C9: variants seen among roughly 807,000 people sequenced by gnomAD.
The protein encoded by C9 is complement C9.
A neutral mutation model predicts 65.4 loss-of-function variants in C9; 63 were observed. The observed-to-expected ratio is 0.96, with a 90% CI of 0.79 to 1.19. The LOEUF is 1.19. Among genes scored for constraint, C9 ranks in the 50% most tolerant of loss-of-function variants. C9 has a pLI of 0.00. For synonymous variants in C9, 229 were observed against 227.9 expected (o/e 1.00, Z -0.04); for missense variants, 744 against 670.1 (o/e 1.11, Z -1.22).
chr5:39,297,903 G>T (rs1753213128), intron 9 of C9, among the ~76,000 whole-genome samples: 2 of 151,632 alleles, frequency 1.3e-5, no homozygotes, highest in South Asian at 4.1e-4. Context: ...TTCTTTTCAA[G>T]TGCACATAGG....
chr5:39,322,378 C>T (rs921805124), intron 5 of C9, among the ~76,000 whole-genome samples: 1 of 151,886 alleles, frequency 6.6e-6, no homozygotes, highest in East Asian at 1.9e-4. Context: ...ATGCTTACAT[C>T]AAAAAAGAAT....
At chr5:39,297,759 T>TA (rs1251112601) in intron 9 of C9, among the ~76,000 whole-genome samples, 1 of 151,554 alleles carries the variant, frequency 6.6e-6, no homozygotes, top group Non-Finnish European at 1.5e-5. Flanking sequence ...TAAATATACC[T>TA]AGACATTTCA....
At chr5:39,321,907 A>T (rs266892) in intron 5 of C9, among the ~76,000 whole-genome samples, 59,112 of 151,852 alleles carry the variant, frequency 0.39, 12,720 homozygotes, top group Non-Finnish European at 0.49. Flanking sequence ...ATAGTAGGGG[A>T]CTTCTTAATA....
At chr5:39,306,023 T>C (rs1241350005) in intron 9 of C9, among the ~76,000 whole-genome samples, 1 of 151,824 alleles carries the variant, frequency 6.6e-6, no homozygotes, top group Non-Finnish European at 1.5e-5. Context: ...ATTAGCTCGA[T>C]GTGGTGGTGC....
intron 9 of C9, among the ~76,000 whole-genome samples, chr5:39,301,495 T>C (rs1010995292): frequency 6.6e-6 from 1 of 152,166 alleles, no homozygotes; most frequent in African/African-American, 2.4e-5. Flanking sequence ...ATAATTTTAC[T>C]ATGCTTATGT....
At chr5:39,334,220 C>G (rs1322562335) in intron 4 of C9, among the ~76,000 whole-genome samples, 1 of 150,318 alleles carries the variant, frequency 6.7e-6, no homozygotes, top group Non-Finnish European at 1.5e-5. Flanking sequence ...CGTCTCTGCC[C>G]GGCGGCCCAT....
chr5:39,321,687 G>A (rs1753669688), intron 5 of C9, among the ~76,000 whole-genome samples: 1 of 151,958 alleles, frequency 6.6e-6, no homozygotes, highest in Non-Finnish European at 1.5e-5. Flanking sequence ...TCACCTTTAA[G>A]TGCCAAAATA....
chr5:39,305,449 G>A (rs1176520460), intron 9 of C9, among the ~76,000 whole-genome samples: 1 of 152,060 alleles, frequency 6.6e-6, no homozygotes, highest in African/African-American at 2.4e-5. Context: ...CTAGTCCTAT[G>A]AAAATGTTAA....
intron 1 of C9, among the ~76,000 whole-genome samples, chr5:39,361,802 TAAAAGAA>T (rs781524874): frequency 5.9e-5 from 9 of 151,730 alleles, no homozygotes; most frequent in Non-Finnish European, 1.2e-4. Flanking sequence ...TGTAAAAAAA[TAAAAGAA>T]AAAAGAAAAA....
chr5:39,347,919 A>G (rs1754241529), intron 1 of C9, among the ~76,000 whole-genome samples: 1 of 149,802 alleles, frequency 6.7e-6, no homozygotes, highest in African/African-American at 2.5e-5. Context: ...AGAAATGGGG[A>G]AAGGATTCCC....
intron 9 of C9, among the ~76,000 whole-genome samples, chr5:39,306,333 T>G (rs13355708): frequency 0.03 from 4,501 of 152,208 alleles, 205 homozygotes; most frequent in African/African-American, 0.1. Flanking sequence ...TATAAGCAAT[T>G]TCGTTAAATT....
intron 1 of C9, among the ~76,000 whole-genome samples, chr5:39,348,581 A>C (rs1754253715): frequency 6.6e-6 from 1 of 152,132 alleles, no homozygotes; most frequent in Non-Finnish European, 1.5e-5. Context: ...TGGGACTGTA[A>C]ACTAGTTCAA....
Position 39,284,350 on chromosome 5 carries a change from A to T in C9, c.*849T>A, listed in dbSNP as rs1389496985. The T allele has an allele frequency of 6.6e-6, 1 of 152,130 alleles. No individual in the cohort carries two copies. Among genetic ancestry groups the T allele is most frequent in the African/African-American group, 2.4e-5 (1 of 41,434 alleles). 9.4% of individuals were successfully genotyped at this position (152,130 alleles called of 1,614,324 possible). A position where few individuals can be genotyped will look rare whatever the true frequency, so the allele number is the denominator to read the frequency against. On this transcript the variant is annotated 3_prime_UTR_variant, in exon 11 of 11. Transcript: ENST00000263408. ...AGCACCATGTTCTCTAATGAATAAG[A>T]TTGTACAACCAATGTTAATCAGCTT...
At chr5:39,334,748 C>T (rs1308931873) in intron 4 of C9, among the ~76,000 whole-genome samples, 231 of 147,020 alleles carry the variant, frequency 1.6e-3, no homozygotes, top group African/African-American at 5.6e-3. Flanking sequence ...TGAGGGGCGC[C>T]TCTGCCCGGC....
intron 9 of C9, among the ~76,000 whole-genome samples, chr5:39,289,599 G>A (rs2111838090): frequency 6.6e-6 from 1 of 151,924 alleles, no homozygotes; most frequent in Non-Finnish European, 1.5e-5. Context: ...TAGATATTTA[G>A]CAGCTATTTT....
intron 4 of C9, among the ~76,000 whole-genome samples, chr5:39,333,583 C>CATG (rs1198485695): frequency 2.8e-5 from 4 of 142,994 alleles, no homozygotes; most frequent in Non-Finnish European, 6.1e-5. Flanking sequence ...TCTCCCTCTC[C>CATG]GTCTCCCTCT....
Position 39,342,115 on chromosome 5 carries a change from T to C in C9, c.159A>G (p.Gln53=), listed in dbSNP as rs1429009874. 7 of 1,599,382 alleles carry C rather than the reference T, an allele frequency of 4.4e-6. No individual in the cohort carries two copies. Among genetic ancestry groups the C allele is most frequent in the Admixed American group, 3.3e-5 (2 of 59,992 alleles). The part of the protein sequence containing the change: ...CRMSPWSEWS[Q]CDPCLRQMFR... ...CCATTTGTCTGAGACAAGGATCGCA[T>C]TGTGACCATTCACTCCAGGGGCTCA... Residue 53 remains glutamine (Q), a synonymous_variant, in exon 2 of 11, where the codon CAA becomes CAG. Coordinates refer to ENST00000263408, the MANE Select transcript of C9 (RefSeq NM_001737.5).
At chr5:39,305,956 T>A (rs1579846122) in intron 9 of C9, among the ~76,000 whole-genome samples, 1 of 150,842 alleles carries the variant, frequency 6.6e-6, no homozygotes, top group Non-Finnish European at 1.5e-5. Context: ...AGGCCAGGAG[T>A]TTGAGACCAG....
intron 1 of C9, among the ~76,000 whole-genome samples, chr5:39,349,512 T>C (rs1357846014): frequency 1.1e-4 from 16 of 152,212 alleles, no homozygotes; most frequent in Admixed American, 9.8e-4. Context: ...GAACAAGTCT[T>C]ATCTCCTTCA....
Sources: gnomAD v4.1 joint callset for allele counts (sites outside exome capture counted in the v4.1 genomes callset) on GRCh38, gnomAD v4.1.1 for gene constraint, MANE v1.5 for transcripts, NCBI Gene and HGNC (gene_info 2026-07-23, HGNC 2026-07-21) for gene names.